The following PSG9 variants were observed in gnomAD, a reference collection of about 807,000 sequenced individuals.
PSG9 encodes the protein pregnancy specific beta-1-glycoprotein 9.
PSG9 carries 49 observed loss-of-function variants against 41.9 expected under a neutral mutation model. That is an observed-to-expected ratio of 1.17 (90% confidence interval 0.93 to 1.48). The LOEUF (loss-of-function observed/expected upper bound fraction) is 1.48. Ranked by LOEUF, PSG9 falls within the 40% of genes most tolerant of loss-of-function variation. The pLI is 0.00. For synonymous variants in PSG9, 263 were observed against 196.8 expected (o/e 1.34, Z -2.82); for missense variants, 641 against 520.3 (o/e 1.23, Z -2.26).
At chr19:43,256,490 C>A (rs931121312) in intron 5 of PSG9, among the ~76,000 whole-genome samples, 2 of 146,704 alleles carry the variant, frequency 1.4e-5, no homozygotes, top group African/African-American at 5.2e-5. Flanking sequence ...AAGTCAACAA[C>A]AACAAACATC....
intron 2 of PSG9, among the ~76,000 whole-genome samples, chr19:43,267,180 C>G (rs1969009391): frequency 6.6e-6 from 1 of 152,132 alleles, no homozygotes; most frequent in Non-Finnish European, 1.5e-5. Context: ...TCTTTCTGTC[C>G]TCTCCACTCT....
chr19:43,261,772 T>G (rs1248450300), intron 3 of PSG9, 88 bp downstream of exon 3: 16 of 1,613,428 alleles, frequency 9.9e-6, no homozygotes, highest in Non-Finnish European at 1.2e-5. Context: ...TCTCTGTACT[T>G]GGACCTGAGA....
At position 43,269,005 on chromosome 19, in the gene PSG9, T is replaced by C. The variant is rs200704932; in HGVS notation, c.64+363A>G. On this transcript the variant is annotated intron_variant, in intron 1 of 5. Coordinates refer to ENST00000270077, the MANE Select transcript of PSG9 (RefSeq NM_002784.5). ...CAGGCTGCAACAGAGCCTTCTTTCC[T>C]TTTTTTCTTTTTTTTTTGAGACGGA... is the stretch of plus-strand genomic sequence containing the variant. 1.6e-4 allele frequency among the ~76,000 whole-genome samples: 24 copies of C among 151,432 alleles called. 1 individual carries two copies. The East Asian group carries it at 4.7e-3, about 30-fold the overall frequency.
Position 43,258,190 on chromosome 19 carries a change from G to C in PSG9, c.1243+12C>G. ...TAAAACCCTACTGCCAAGGATGCTG[G>C]GATCCACTTACCAGAGACTTTGACT... On this transcript the variant is annotated intron_variant, in intron 5 of 5. Transcript: ENST00000270077. 6.3e-7 allele frequency: 1 copy of C among 1,592,536 alleles called. No homozygotes were observed. Among genetic ancestry groups the C allele is most frequent in the South Asian group, 1.1e-5 (1 of 89,954 alleles).
rs559180486 is a variant in PSG9 at position 43,268,188 on chromosome 19, A to C, written c.65-39T>G. On this transcript the variant is annotated intron_variant, in intron 1 of 5. Transcript: ENST00000270077. ...ACAGCATCAGTTAATATTGAGACCT[A>C]TGTATTGTGGTGAAAAGATGGGGCC... is the stretch of plus-strand genomic sequence containing the variant. 1.0e-5 allele frequency: 16 copies of C among 1,550,680 alleles called. 1 individual carries two copies. The Admixed American group carries it at 3.2e-4, about 31-fold the overall frequency.
intron 2 of PSG9, among the ~76,000 whole-genome samples, chr19:43,265,688 G>C (rs1968932457): frequency 6.6e-6 from 1 of 152,060 alleles, no homozygotes; most frequent in African/African-American, 2.4e-5. Context: ...TCCGACTACA[G>C]ACCACCATTT....
At chr19:43,257,440 C>G (rs1063060) in intron 5 of PSG9, 1 of 977,428 alleles carries the variant, frequency 1.0e-6, no homozygotes, top group Non-Finnish European at 1.2e-6. Context: ...TCTCCCTATT[C>G]CTCCAGCTCT....
chr19:43,264,907 T>C (rs1211438912), intron 2 of PSG9, among the ~76,000 whole-genome samples: 1 of 152,110 alleles, frequency 6.6e-6, no homozygotes, highest in African/African-American at 2.4e-5. Flanking sequence ...CCATAGCAGG[T>C]TGAGGATGGA....
chr19:43,262,682 CG>C (rs1199911870), intron 2 of PSG9, among the ~76,000 whole-genome samples: 1 of 152,080 alleles, frequency 6.6e-6, no homozygotes, highest in Non-Finnish European at 1.5e-5. Context: ...AGAGTCAAGC[CG>C]GGAGGTCAGT....
chr19:43,258,580 T>C (rs1376603113), intron 4 of PSG9, 124 bp from the exon 5 acceptor site: 4 of 1,424,460 alleles, frequency 2.8e-6, no homozygotes, highest in Non-Finnish European at 3.7e-6. Flanking sequence ...CCAAAGTCCC[T>C]CTATGTTCAC....
At chr19:43,257,013 C>G (rs1968465584) in intron 5 of PSG9, 1 of 146,948 alleles carries the variant, frequency 6.8e-6, no homozygotes, top group African/African-American at 2.6e-5. Flanking sequence ...AAATGTTATT[C>G]AACCTTAACA....
intron 3 of PSG9, chr19:43,259,530 A>AGC: frequency 4.5e-6 from 1 of 223,242 alleles, no homozygotes; most frequent in South Asian, 1.0e-4. Flanking sequence ...GCCCCCCTAT[A>AGC]TGTGATTTCT....
At chr19:43,255,301 C>T (rs930169422) in intron 5 of PSG9, among the ~76,000 whole-genome samples, 3 of 145,790 alleles carry the variant, frequency 2.1e-5, no homozygotes, top group African/African-American at 7.9e-5. Context: ...TCAATAAAAG[C>T]ATTTGATGAA....
intron 2 of PSG9, among the ~76,000 whole-genome samples, chr19:43,263,292 G>A (rs138171218): frequency 6.6e-6 from 1 of 152,124 alleles, no homozygotes; most frequent in Non-Finnish European, 1.5e-5. Context: ...AGTTCATACA[G>A]ATAAAGTGCT....
chr19:43,269,529 G>GT lies in PSG9; in HGVS notation c.-99dup. 6.5e-7 allele frequency: 1 copy of GT among 1,546,346 alleles called. No homozygotes were observed. Among genetic ancestry groups the GT allele is most frequent in the Non-Finnish European group, 8.8e-7 (1 of 1,133,206 alleles). ...CAGCTGTGCTGTCCTTCCTCCTTCT[G>GT]TGCTGAGCCTCTTCCCGGGGCAGGA... On this transcript the variant is annotated 5_prime_UTR_variant, in exon 1 of 6. Coordinates refer to ENST00000270077, the MANE Select transcript of PSG9 (RefSeq NM_002784.5).
In PSG9 at chr19:43,258,184, A is replaced by G. The variant is rs771955696; in HGVS notation, c.1243+18T>C. On this transcript the variant is annotated intron_variant, in intron 5 of 5. Transcript: ENST00000270077. The stretch of plus-strand genomic sequence containing the variant: ...TCCACATAAAACCCTACTGCCAAGG[A>G]TGCTGGGATCCACTTACCAGAGACT... The G allele has an allele frequency of 5.0e-5, 79 of 1,592,444 alleles. 10 individuals are homozygous for G. Among genetic ancestry groups the G allele is most frequent in the Non-Finnish European group, 6.3e-5 (74 of 1,174,416 alleles).
intron 2 of PSG9, 121 bp downstream of exon 2, chr19:43,267,663 C>T (rs542775611): frequency 5.2e-6 from 8 of 1,527,366 alleles, no homozygotes; most frequent in East Asian, 4.5e-5. Context: ...ATGCCCAAAC[C>T]CCAGCATGGG....
At chr19:43,259,394 C>T (rs140229080) in intron 3 of PSG9, 11,634 of 617,038 alleles carry the variant, frequency 0.019, 949 homozygotes, top group African/African-American at 0.071. Context: ...ACAGACACAT[C>T]AGTGGGAGTC....
intron 1 of PSG9, among the ~76,000 whole-genome samples, chr19:43,268,852 A>T (rs961451086): frequency 2.0e-5 from 3 of 152,114 alleles, no homozygotes; most frequent in African/African-American, 7.2e-5. Context: ...ATTTTTCAAA[A>T]TGTGGTGGCC....
Sources: gnomAD v4.1 joint callset for allele counts (sites outside exome capture counted in the v4.1 genomes callset) on GRCh38, gnomAD v4.1.1 for gene constraint, MANE v1.5 for transcripts, NCBI Gene and HGNC (gene_info 2026-07-23, HGNC 2026-07-21) for gene names.